KL: variants seen among roughly 807,000 people sequenced by gnomAD.
KL encodes the protein klotho.
Under a neutral mutation model 84.2 loss-of-function variants are expected in KL, and 62 were observed. The ratio of observed to expected loss-of-function variants is 0.74; its 90% CI spans 0.60 to 0.91. The LOEUF is 0.91. Among genes scored for constraint, KL ranks in the 40% least tolerant of loss-of-function variants. The pLI is 0.00. For synonymous variants in KL, 528 were observed against 528.0 expected (o/e 1.00, Z 0.00); for missense variants, 1,261 against 1,305.7 (o/e 0.97, Z 0.53).
rs779841444 is a variant in KL, at chr13:33,061,582, G to A, written c.2503G>A (p.Asp835Asn). 3.1e-6 allele frequency: 5 copies of A among 1,614,144 alleles called. No homozygotes were observed. The highest frequency in any genetic ancestry group is 2.2e-5 in the South Asian group (2 of 91,068). The change falls in exon 4 of 5, where the codon GAC (aspartate) becomes AAC (asparagine). Residue 835 changes from aspartate (D) to asparagine (N), a missense_variant. Asp to Asn is a conservative substitution (Grantham distance 23, BLOSUM62 1). Coordinates refer to ENST00000380099, the MANE Select transcript of KL (RefSeq NM_004795.4). Reference protein sequence around the residue: ...NDYLEVQEMTDITWLNSPSQV... With the variant: ...NDYLEVQEMTNITWLNSPSQV... Reference sequence around the variant, plus strand: ...TTACCTAGAAGTGCAAGAAATGACCGACATCACGTGGCTCAACTCCCCCAG... The same window carrying A: ...TTACCTAGAAGTGCAAGAAATGACCAACATCACGTGGCTCAACTCCCCCAG...
chr13:33,032,364 A>G (rs1376933208), intron 1 of KL, among the ~76,000 whole-genome samples: 1 of 152,190 alleles, frequency 6.6e-6, no homozygotes, highest in Non-Finnish European at 1.5e-5. Flanking sequence ...TCACCCACGC[A>G]GTTTTTCTCT....
intron 3 of KL, among the ~76,000 whole-genome samples, chr13:33,059,902 G>A (rs1028348945): frequency 9.9e-5 from 15 of 152,162 alleles, no homozygotes; most frequent in African/African-American, 3.1e-4. Context: ...AATTTAGAGC[G>A]TAATTTTAAG....
chr13:33,026,357 C>T (rs981350955), intron 1 of KL, among the ~76,000 whole-genome samples: 3 of 151,530 alleles, frequency 2.0e-5, no homozygotes, highest in Admixed American at 6.6e-5. Context: ...AGGTAACTGA[C>T]GTAAAAGGAA....
intron 1 of KL, among the ~76,000 whole-genome samples, chr13:33,042,995 A>G (rs183162054): frequency 1.3e-5 from 2 of 152,238 alleles, no homozygotes; most frequent in Non-Finnish European, 1.5e-5. Flanking sequence ...ATCTTTGAAC[A>G]TATCAATTTG....
intron 3 of KL, among the ~76,000 whole-genome samples, chr13:33,058,567 C>T (rs1872056405): frequency 6.6e-6 from 1 of 152,084 alleles, no homozygotes; most frequent in African/African-American, 2.4e-5. Flanking sequence ...GTCTCAATCT[C>T]CTGACCTCGG....
chr13:33,036,980 A>C (rs1245730194), intron 1 of KL, among the ~76,000 whole-genome samples: 1 of 152,330 alleles, frequency 6.6e-6, no homozygotes, highest in East Asian at 1.9e-4. Context: ...AGGTTTTGGC[A>C]ATCATATACA....
intron 1 of KL, among the ~76,000 whole-genome samples, chr13:33,026,491 G>A (rs1870782059): frequency 6.6e-6 from 1 of 152,108 alleles, no homozygotes; most frequent in Admixed American, 6.5e-5. Context: ...TGGCTCCTAG[G>A]GACCTAGGCA....
chr13:33,023,962 T>A (rs1870666186), intron 1 of KL, among the ~76,000 whole-genome samples: 1 of 152,226 alleles, frequency 6.6e-6, no homozygotes, highest in African/African-American at 2.4e-5. Flanking sequence ...TAGCTTTTGC[T>A]TGACCCTTTG....
rs1345592844 is a variant in KL, at chr13:33,055,237, T to G, written c.1521T>G (p.Pro507=). 6.2e-7 allele frequency: 1 copy of G among 1,614,108 alleles called. No individual in the cohort carries two copies. The highest frequency in any genetic ancestry group is 8.5e-7 in the Non-Finnish European group (1 of 1,180,050). ...AGCTGATAGAGAAAAATGGCTTCCC[T>G]CCTTTACCTGAAAATCAGCCCCTAG... The part of the protein sequence containing the change: ...YQKLIEKNGF[P]PLPENQPLEG... The change falls in exon 3 of 5, where the codon CCT becomes CCG. Residue 507 remains proline, a synonymous_variant. Transcript: ENST00000380099.
chr13:33,059,703 T>C (rs1034244789), intron 3 of KL, among the ~76,000 whole-genome samples: 2 of 152,230 alleles, frequency 1.3e-5, no homozygotes, highest in Admixed American at 6.5e-5. Context: ...AAACTCCTGA[T>C]CTCATGATCT....
rs1872389128 is a variant in KL, at chr13:33,065,748, A to G, written c.*1562A>G. ...TAAAAATTTTTAAAACACAGAAACT[A>G]TATGCAAAGAAAAAATAAAAATTAT... is the stretch of plus-strand genomic sequence containing the variant. On this transcript the variant is annotated 3_prime_UTR_variant, in exon 5 of 5. Transcript: ENST00000380099. The G allele has an allele frequency of 5.7e-6, 1 of 175,030 alleles. No individual in the cohort carries two copies. The highest frequency in any genetic ancestry group is 1.2e-5 in the Non-Finnish European group (1 of 81,394). 10.8% of individuals were successfully genotyped at this position (175,030 alleles called of 1,614,324 possible).
At chr13:33,019,173 G>C (rs1409886348) in intron 1 of KL, among the ~76,000 whole-genome samples, 2 of 151,862 alleles carry the variant, frequency 1.3e-5, no homozygotes, top group Non-Finnish European at 2.9e-5. Flanking sequence ...CATTTCTTTT[G>C]GTTTGGTGTT....
intron 1 of KL, among the ~76,000 whole-genome samples, chr13:33,019,732 T>TGTGA (rs139721497): frequency 0.086 from 11,488 of 133,108 alleles, 594 homozygotes; most frequent in Non-Finnish European, 0.11. Context: ...TGTGTGTGTG[T>TGTGA]GAGAGAGAGA....
At chr13:33,052,709 G>A (rs1470668843) in intron 1 of KL, among the ~76,000 whole-genome samples, 1 of 152,182 alleles carries the variant, frequency 6.6e-6, no homozygotes, top group Non-Finnish European at 1.5e-5. Flanking sequence ...GAACAAAGGA[G>A]TTTCTGCAGG....
At chr13:33,063,398 A>G (rs1284864758) in intron 4 of KL, among the ~76,000 whole-genome samples, 1 of 152,072 alleles carries the variant, frequency 6.6e-6, no homozygotes, top group Non-Finnish European at 1.5e-5. Context: ...TTGGCTTTAC[A>G]TAAAATAAAG....
chr13:33,051,466 G>T (rs1266058447), intron 1 of KL, among the ~76,000 whole-genome samples: 2 of 152,198 alleles, frequency 1.3e-5, no homozygotes, highest in African/African-American at 4.8e-5. Context: ...GGGAGGTAGA[G>T]GCTGCAGTGA....
rs886913917 is a variant in KL at position 33,066,037 on chromosome 13, C to A, written c.*1851C>A. On this transcript the variant is annotated 3_prime_UTR_variant, in exon 5 of 5. Transcript: ENST00000380099. ...TTGTTTAAAAATAATTTTGTTGCTACATTTACTTTAATTTCCTTGACTGTA... is the reference window on the plus strand; with the variant it reads ...TTGTTTAAAAATAATTTTGTTGCTAAATTTACTTTAATTTCCTTGACTGTA... 1 of 175,658 alleles carries A rather than the reference C, an allele frequency of 5.7e-6. No individual in the cohort carries two copies. Among genetic ancestry groups the A allele is most frequent in the Non-Finnish European group, 1.2e-5 (1 of 81,524 alleles). 10.9% of individuals were successfully genotyped at this position (175,658 alleles called of 1,614,324 possible).
In KL at chr13:33,064,568, T is replaced by G. The variant is rs897933609; in HGVS notation, c.*382T>G. The G allele has an allele frequency of 2.2e-5, 6 of 278,084 alleles. No individual in the cohort carries two copies. Among genetic ancestry groups the G allele is most frequent in the African/African-American group, 1.1e-4 (5 of 45,634 alleles). 17.2% of individuals were successfully genotyped at this position (278,084 alleles called of 1,614,324 possible). On this transcript the variant is annotated 3_prime_UTR_variant, in exon 5 of 5. Transcript: ENST00000380099. ...TTTAATGTTTTTCTGGAAGTAGTAA[T>G]TGCAAGAGTTCGAATAGAAAGTTAT... is the stretch of plus-strand genomic sequence containing the variant.
At chr13:33,033,411 G>A (rs1328791380) in intron 1 of KL, among the ~76,000 whole-genome samples, 2 of 152,146 alleles carry the variant, frequency 1.3e-5, no homozygotes, top group African/African-American at 4.8e-5. Context: ...GCAGTTCCCT[G>A]TTCTGGAAAC....
Sources: gnomAD v4.1 joint callset for allele counts (sites outside exome capture counted in the v4.1 genomes callset) on GRCh38, gnomAD v4.1.1 for gene constraint, MANE v1.5 for transcripts, NCBI Gene and HGNC (gene_info 2026-07-23, HGNC 2026-07-21) for gene names.